CCDC7: variants seen among roughly 807,000 people sequenced by gnomAD.
CCDC7 encodes the protein coiled-coil domain containing 7.
In CCDC7, 183 loss-of-function variants were observed where a neutral mutation model predicts 196.9. The observed-to-expected ratio is 0.93, with a 90% CI of 0.82 to 1.05. The LOEUF is 1.05. CCDC7 is among the 50% of genes least tolerant of loss of function. The pLI is 0.00. For missense variants in CCDC7, 1,540 were observed against 1,482.2 expected, an observed-to-expected ratio of 1.04 and a Z score of -0.64; for synonymous variants, 525 against 484.6, an observed-to-expected ratio of 1.08 and a Z score of -1.10.
chr10:32,568,570 G>A (rs1361839976), intron 15 of CCDC7, among the ~76,000 whole-genome samples: 1 of 152,094 alleles, frequency 6.6e-6, no homozygotes, highest in Non-Finnish European at 1.5e-5. Flanking sequence ...GTATATAAAC[G>A]AAGTAAGGTA....
chr10:32,859,493 A>AT (rs2093888944), intron 41 of CCDC7, among the ~76,000 whole-genome samples: 1 of 152,194 alleles, frequency 6.6e-6, no homozygotes, highest in Non-Finnish European at 1.5e-5. Context: ...ACACACTAAC[A>AT]TCACAATTAA....
rs757994504 is a variant in CCDC7, at chr10:32,565,550, C to G, written c.1135-8C>G. On this transcript the variant is annotated splice_polypyrimidine_tract_variant and splice_region_variant and intron_variant, in intron 13 of 41. Transcript: ENST00000639629. Reference sequence around the variant, plus strand: ...TAAATACCTTTTTTCCCCCTTCTTACTTCCTAGAAAGTAGCACGTCTGGAA... The same window carrying G: ...TAAATACCTTTTTTCCCCCTTCTTAGTTCCTAGAAAGTAGCACGTCTGGAA... 1.6e-5 allele frequency: 26 copies of G among 1,607,730 alleles called. No individual in the cohort carries two copies. Among genetic ancestry groups the G allele is most frequent in the Non-Finnish European group, 2.2e-5 (26 of 1,176,844 alleles).
chr10:32,443,651 A>C (rs921254061), upstream of CCDC7, among the ~76,000 whole-genome samples: 5 of 152,086 alleles, frequency 3.3e-5, no homozygotes, highest in African/African-American at 1.2e-4. Context: ...TTAACCCTCT[A>C]TTTGTTCCAT....
intron 28 of CCDC7, among the ~76,000 whole-genome samples, chr10:32,759,875 A>G (rs1024202636): frequency 1.1e-4 from 17 of 152,298 alleles, no homozygotes; most frequent in Admixed American, 9.2e-4. Context: ...CAGAATCTAC[A>G]ATGAACTCAA....
chr10:32,548,014 C>G (rs1443086193), intron 13 of CCDC7, among the ~76,000 whole-genome samples: 3 of 152,178 alleles, frequency 2.0e-5, no homozygotes, highest in African/African-American at 7.2e-5. Flanking sequence ...CACAGCTTAC[C>G]TCCCACATAT....
chr10:32,610,666 T>G (rs1038304151), intron 18 of CCDC7, among the ~76,000 whole-genome samples: 1 of 152,132 alleles, frequency 6.6e-6, no homozygotes, highest in African/African-American at 2.4e-5. Context: ...AATGAGAACA[T>G]GTGGTGTTTG....
chr10:32,481,609 C>G lies in CCDC7; in HGVS notation c.796+7586C>G, dbSNP rs185479348. The G allele has an allele frequency of 5.3e-5, 8 of 152,256 alleles. No homozygotes were observed. In the East Asian group the frequency reaches 1.2e-3, roughly 22 times the overall value. The allele number at this position is 152,256 out of a possible 1,614,324, so 9.4% of individuals were successfully genotyped here. Reference sequence around the variant, plus strand: ...TGTAATTTTACTATATACACACTTTCACCAGTGAGTTTTATACTTTCATAT... The same window carrying G: ...TGTAATTTTACTATATACACACTTTGACCAGTGAGTTTTATACTTTCATAT... On this transcript the variant is annotated intron_variant, in intron 8 of 41. Transcript: ENST00000639629.
At chr10:32,748,175 C>A (rs1204942944) in intron 28 of CCDC7, among the ~76,000 whole-genome samples, 1 of 152,088 alleles carries the variant, frequency 6.6e-6, no homozygotes, top group Non-Finnish European at 1.5e-5. Flanking sequence ...CTCACATGAA[C>A]ACAAAGAAGG....
At chr10:32,826,502 C>G (rs1456202624) in intron 32 of CCDC7, among the ~76,000 whole-genome samples, 1 of 152,158 alleles carries the variant, frequency 6.6e-6, no homozygotes, top group African/African-American at 2.4e-5. Flanking sequence ...AGCAGTATTC[C>G]ATCATCAAAT....
intron 28 of CCDC7, among the ~76,000 whole-genome samples, chr10:32,772,720 C>T (rs1482222626): frequency 5.3e-5 from 8 of 152,198 alleles, no homozygotes; most frequent in Non-Finnish European, 1.5e-5. Context: ...TCATGCTGCT[C>T]CTACTTTTAT....
intron 18 of CCDC7, among the ~76,000 whole-genome samples, chr10:32,590,927 C>G (rs1286650671): frequency 7.2e-5 from 11 of 151,898 alleles, no homozygotes; most frequent in Non-Finnish European, 1.5e-5. Flanking sequence ...TATCCTTGAC[C>G]TTTGGGAGTT....
chr10:32,621,907 C>CAG (rs1235453963), intron 18 of CCDC7, among the ~76,000 whole-genome samples: 3 of 152,184 alleles, frequency 2.0e-5, no homozygotes, highest in Admixed American at 2.0e-4. Context: ...AACACCCTTA[C>CAG]AGACACACTG....
intron 11 of CCDC7, among the ~76,000 whole-genome samples, chr10:32,533,951 T>C (rs2050087511): frequency 6.6e-6 from 1 of 152,170 alleles, no homozygotes; most frequent in Non-Finnish European, 1.5e-5. Flanking sequence ...TCAGAAGTTT[T>C]GGAAAGTTTT....
chr10:32,579,291 T>C (rs1469918813), intron 16 of CCDC7, among the ~76,000 whole-genome samples: 1 of 152,200 alleles, frequency 6.6e-6, no homozygotes, highest in Admixed American at 6.5e-5. Flanking sequence ...GATTACATTT[T>C]GTTTGAAAAA....
At chr10:32,512,438 A>C (rs936192154) in intron 9 of CCDC7, 4 of 152,240 alleles carry the variant, frequency 2.6e-5, no homozygotes, top group African/African-American at 9.6e-5. Context: ...AATTGGAATC[A>C]TAATAATTCT....
chr10:32,455,264 T>C (rs1467642139), intron 2 of CCDC7, among the ~76,000 whole-genome samples: 1 of 151,332 alleles, frequency 6.6e-6, no homozygotes, highest in Non-Finnish European at 1.5e-5. Context: ...ACAAGAAGTA[T>C]GTGAGCCTCT....
chr10:32,822,714 G>T (rs943053516), intron 31 of CCDC7, among the ~76,000 whole-genome samples: 1 of 152,060 alleles, frequency 6.6e-6, no homozygotes, highest in Non-Finnish European at 1.5e-5. Flanking sequence ...GTTGACTGAG[G>T]TAATACACAT....
intron 31 of CCDC7, among the ~76,000 whole-genome samples, chr10:32,821,564 A>G (rs938543069): frequency 3.9e-5 from 6 of 152,210 alleles, no homozygotes; most frequent in Non-Finnish European, 5.9e-5. Flanking sequence ...AACCAACCCA[A>G]ATGTCCAACA....
At chr10:32,471,127 A>C (rs759995165) in exon 6 of CCDC7, 2 of 1,612,698 alleles carry the variant, frequency 1.2e-6, no homozygotes, top group East Asian at 4.5e-5. Context: ...AGTCATTTTA[A>C]ATATTGCAGA....
Sources: gnomAD v4.1 joint callset for allele counts (sites outside exome capture counted in the v4.1 genomes callset) on GRCh38, gnomAD v4.1.1 for gene constraint, MANE v1.5 for transcripts, NCBI Gene and HGNC (gene_info 2026-07-23, HGNC 2026-07-21) for gene names.